Variants in MARCHF6 observed in about 807,000 individuals in gnomAD.
The protein encoded by MARCHF6 is membrane associated ring-CH-type finger 6.
A neutral mutation model predicts 133.7 loss-of-function variants in MARCHF6; 31 were observed. That is an observed-to-expected ratio of 0.23 (90% CI 0.17 to 0.31). The LOEUF is 0.31. Among genes scored for constraint, MARCHF6 ranks in the 10% least tolerant of loss-of-function variants. The pLI, the probability that MARCHF6 is intolerant of heterozygous loss-of-function variation, is 1.00. For missense variants in MARCHF6, 723 were observed against 1,121.6 expected (o/e 0.64, Z 5.08); for synonymous variants, 395 against 402.5 (o/e 0.98, Z 0.22).
In MARCHF6 at chr5:10,386,979, G is replaced by T; in HGVS notation, c.335-15G>T. The T allele has an allele frequency of 6.2e-7, 1 of 1,609,468 alleles. No individual in the cohort carries two copies. The highest frequency in any genetic ancestry group is 8.5e-7 in the Non-Finnish European group (1 of 1,175,936). On this transcript the variant is annotated splice_polypyrimidine_tract_variant and intron_variant, in intron 4 of 25. Transcript: ENST00000274140. ...GCGAGTTGTGACTGTGTGCCATCAT[G>T]CTCTTTTTCGGTAGGCCGCATCTAC...
intron 19 of MARCHF6, 27 bp downstream of exon 19, chr5:10,411,564 T>C: frequency 6.4e-7 from 1 of 1,560,402 alleles, no homozygotes; most frequent in South Asian, 1.2e-5. Context: ...CTTAATCACA[T>C]ATAGAGGTTT....
Position 10,353,700 on chromosome 5 carries a change from C to T in MARCHF6, c.-199C>T, listed in dbSNP as rs912629158. The T allele has an allele frequency of 2.8e-5, 13 of 457,682 alleles. 1 individual carries two copies. The highest frequency in any genetic ancestry group is 8.0e-5 in the Admixed American group (2 of 24,986). The allele number at this position is 457,682 out of a possible 1,614,324, so 28.4% of individuals were successfully genotyped here. Reference sequence around the variant, plus strand: ...CCCAGGCCTCGCCCCTAGGTGTTCCCGCCCCTCCCCCTCCCGTGTCGCTCG... The same window carrying T: ...CCCAGGCCTCGCCCCTAGGTGTTCCTGCCCCTCCCCCTCCCGTGTCGCTCG... On this transcript the variant is annotated 5_prime_UTR_variant, in exon 1 of 26. Transcript: ENST00000274140.
Position 10,387,103 on chromosome 5 carries a change from G to A in MARCHF6, c.407+37G>A, listed in dbSNP as rs1341976125. The A allele has an allele frequency of 2.8e-6, 4 of 1,438,060 alleles. No individual in the cohort carries two copies. In the African/African-American group the frequency reaches 4.2e-5, roughly 15 times the overall value. The allele number at this position is 1,438,060 out of a possible 1,614,324, so 89.1% of individuals were successfully genotyped here. ...ACCTCTGTGACGAATGTTGCATGAT[G>A]TAGATGATGCTTGCTTTTTTCCTTG... is the stretch of plus-strand genomic sequence containing the variant. On this transcript the variant is annotated intron_variant, in intron 5 of 25. Coordinates refer to ENST00000274140, the MANE Select transcript of MARCHF6 (RefSeq NM_005885.4).
chr5:10,419,684 A>G (rs935276550), intron 22 of MARCHF6, among the ~76,000 whole-genome samples: 3 of 151,484 alleles, frequency 2.0e-5, no homozygotes. Context: ...GAAAAATACT[A>G]TTTTGCAATA....
chr5:10,385,493 G>C (rs148477704), intron 4 of MARCHF6, among the ~76,000 whole-genome samples: 2 of 152,202 alleles, frequency 1.3e-5, no homozygotes, highest in African/African-American at 4.8e-5. Flanking sequence ...TAATCATAAG[G>C]GTTTAGATTT....
chr5:10,415,808 A>G (rs1326630234), intron 21 of MARCHF6, 139 bp downstream of exon 21: 1 of 716,988 alleles, frequency 1.4e-6, no homozygotes, highest in Non-Finnish European at 2.2e-6. Context: ...AATTAGAAGA[A>G]ATACTCTTTC....
chr5:10,399,501 A>G (rs1014925613), intron 10 of MARCHF6, among the ~76,000 whole-genome samples: 4 of 152,240 alleles, frequency 2.6e-5, no homozygotes, highest in Admixed American at 1.3e-4. Context: ...TAAAGAAAAG[A>G]TAACTATATT....
At chr5:10,414,890 G>GAA (rs1050712820) in intron 20 of MARCHF6, among the ~76,000 whole-genome samples, 1 of 152,172 alleles carries the variant, frequency 6.6e-6, no homozygotes, top group African/African-American at 2.4e-5. Context: ...CACTCCCTTA[G>GAA]ACTGCTCTCA....
chr5:10,354,032 G>A, intron 1 of MARCHF6, 115 bp downstream of exon 1: 2 of 1,100,930 alleles, frequency 1.8e-6, no homozygotes, highest in Non-Finnish European at 2.4e-6. Flanking sequence ...GGACGCCTGG[G>A]CCGTTTGTCC....
At chr5:10,400,462 T>C (rs1738459597) in intron 10 of MARCHF6, among the ~76,000 whole-genome samples, 1 of 152,206 alleles carries the variant, frequency 6.6e-6, no homozygotes, top group African/African-American at 2.4e-5. Flanking sequence ...TTTTCCTTTT[T>C]TGAGCATCAT....
intron 17 of MARCHF6, among the ~76,000 whole-genome samples, chr5:10,409,438 C>T (rs1739097404): frequency 1.3e-5 from 2 of 152,142 alleles, no homozygotes; most frequent in African/African-American, 2.4e-5. Context: ...TGCAGTGGCA[C>T]CCAGGTCTGT....
rs1737517615 is a variant in MARCHF6 at position 10,386,981 on chromosome 5, T to C, written c.335-13T>C. 6.2e-7 allele frequency: 1 copy of C among 1,611,050 alleles called. No individual in the cohort carries two copies. The highest frequency in any genetic ancestry group is 1.7e-4 in the Middle Eastern group (1 of 6,052). ...GAGTTGTGACTGTGTGCCATCATGC[T>C]CTTTTTCGGTAGGCCGCATCTACAA... On this transcript the variant is annotated splice_polypyrimidine_tract_variant and intron_variant, in intron 4 of 25. Coordinates refer to ENST00000274140, the MANE Select transcript of MARCHF6 (RefSeq NM_005885.4).
chr5:10,397,081 TTTTTGAG>T (rs1317328192), intron 9 of MARCHF6, among the ~76,000 whole-genome samples: 1 of 152,176 alleles, frequency 6.6e-6, no homozygotes, highest in Non-Finnish European at 1.5e-5. Context: ...ACATGTAACA[TTTTTGAG>T]TTTTATTAGG....
Position 10,423,777 on chromosome 5 carries a change from A to G in MARCHF6, c.2326A>G (p.Ile776Val), listed in dbSNP as rs758744437. Residue 776 changes from isoleucine to valine, a missense_variant, in exon 23 of 26, where the codon ATA (isoleucine) becomes GTA (valine). Physicochemically the swap from Ile to Val is conservative, Grantham distance 29. Transcript: ENST00000274140. The part of the protein sequence containing the change: ...GVLHAKIIAA[I>V]TLMGPQWWLK... Reference sequence around the variant, plus strand: ...CCTGCATGCCAAAATCATTGCAGCTATAACATTGATGGGTCCTCAGTGGTG... The same window carrying G: ...CCTGCATGCCAAAATCATTGCAGCTGTAACATTGATGGGTCCTCAGTGGTG... 6.2e-6 allele frequency: 10 copies of G among 1,613,772 alleles called. No individual in the cohort carries two copies. Among genetic ancestry groups the G allele is most frequent in the South Asian group, 5.5e-5 (5 of 91,048 alleles).
At chr5:10,375,640 G>GA (rs552032809) in intron 1 of MARCHF6, among the ~76,000 whole-genome samples, 229 of 152,382 alleles carry the variant, frequency 1.5e-3, no homozygotes, top group African/African-American at 5.3e-3. Flanking sequence ...TGGGGACGTG[G>GA]AGAGTCTTTA....
chr5:10,429,712 C>T (rs895683919), intron 24 of MARCHF6, among the ~76,000 whole-genome samples, 181 bp from the exon 25 acceptor site: 1 of 152,058 alleles, frequency 6.6e-6, no homozygotes, highest in South Asian at 2.1e-4. Context: ...CCTTGTTTTA[C>T]AAATGAGAAA....
In MARCHF6 at chr5:10,377,910, A is replaced by C; in HGVS notation, c.116+16A>C. 3 of 1,516,840 alleles carry C rather than the reference A, an allele frequency of 2.0e-6. No homozygotes were observed. Among genetic ancestry groups the C allele is most frequent in the Non-Finnish European group, 2.7e-6 (3 of 1,091,664 alleles). 94.0% of individuals were successfully genotyped at this position (1,516,840 alleles called of 1,614,324 possible). On this transcript the variant is annotated intron_variant, in intron 2 of 25. Coordinates refer to ENST00000274140, the MANE Select transcript of MARCHF6 (RefSeq NM_005885.4). ...ATCAAGAATGGTAAGTCATACTTTT[A>C]GAAAGTTATGTAAGTCTGAGCTTCA...
chr5:10,423,285 T>C (rs1270508761), intron 22 of MARCHF6, among the ~76,000 whole-genome samples: 1 of 152,166 alleles, frequency 6.6e-6, no homozygotes, highest in African/African-American at 2.4e-5. Flanking sequence ...AGTTCCCCAG[T>C]AGAACCACAA....
chr5:10,379,702 C>G (rs899196439), intron 3 of MARCHF6, among the ~76,000 whole-genome samples: 1 of 152,092 alleles, frequency 6.6e-6, no homozygotes, highest in Non-Finnish European at 1.5e-5. Flanking sequence ...ACCTCATGAT[C>G]TGCCTGCCTC....
Sources: gnomAD v4.1 joint callset for allele counts (sites outside exome capture counted in the v4.1 genomes callset) on GRCh38, gnomAD v4.1.1 for gene constraint, MANE v1.5 for transcripts, NCBI Gene and HGNC (gene_info 2026-07-23, HGNC 2026-07-21) for gene names.